The following RASSF2 variants were observed in gnomAD, a reference collection of about 807,000 sequenced individuals.
RASSF2 encodes the protein ras association domain-containing protein 2.
Under a neutral mutation model 46.3 loss-of-function variants are expected in RASSF2, and 34 were observed. The ratio of observed to expected loss-of-function variants is 0.73; its 90% CI spans 0.56 to 0.98. The LOEUF is 0.98. Ranked by LOEUF, RASSF2 falls within the 50% of genes least tolerant of loss-of-function variation. RASSF2 has a pLI of 0.00. For synonymous variants in RASSF2, 158 were observed against 162.5 expected, an observed-to-expected ratio of 0.97 and a Z score of 0.21; for missense variants, 364 against 431.2, an observed-to-expected ratio of 0.84 and a Z score of 1.38.
intron 6 of RASSF2, among the ~76,000 whole-genome samples, chr20:4,792,030 C>T (rs1285773339): frequency 2.0e-5 from 3 of 152,014 alleles, no homozygotes; most frequent in Non-Finnish European, 4.4e-5. Flanking sequence ...GCGGGCAGAT[C>T]ACTTGAAGCC....
chr20:4,817,100 CA>C (rs1169981154), intron 2 of RASSF2, among the ~76,000 whole-genome samples: 2 of 152,118 alleles, frequency 1.3e-5, no homozygotes, highest in Non-Finnish European at 2.9e-5. Flanking sequence ...AGTGAAACTA[CA>C]TCTCAAAAAT....
At chr20:4,799,556 C>A (rs774268750) in intron 3 of RASSF2, among the ~76,000 whole-genome samples, 1 of 152,144 alleles carries the variant, frequency 6.6e-6, no homozygotes, top group Non-Finnish European at 1.5e-5. Flanking sequence ...ACAAGTTAAA[C>A]CTAGATAAAG....
At chr20:4,814,454 T>C (rs1928111480) in intron 2 of RASSF2, among the ~76,000 whole-genome samples, 1 of 152,216 alleles carries the variant, frequency 6.6e-6, no homozygotes, top group Non-Finnish European at 1.5e-5. Flanking sequence ...TTTGGTGCTA[T>C]AGGCTGAGAC....
In RASSF2 at chr20:4,781,952, G is replaced by C. The variant is rs753815318; in HGVS notation, c.*2321C>G. 1.3e-5 allele frequency: 2 copies of C among 152,150 alleles called. No homozygotes were observed. Among genetic ancestry groups the C allele is most frequent in the Admixed American group, 1.3e-4 (2 of 15,280 alleles). 9.4% of individuals were successfully genotyped at this position (152,150 alleles called of 1,614,324 possible). A position where few individuals can be genotyped will look rare whatever the true frequency, so the allele number is the denominator to read the frequency against. ...GAACCCTTCCAAAATTTCTGATCAG[G>C]TTCTTAGGACGTGAGAAATGACCTC... On this transcript the variant is annotated 3_prime_UTR_variant, in exon 12 of 12. Transcript: ENST00000379400.
At chr20:4,803,045 G>A (rs903505828) in intron 2 of RASSF2, among the ~76,000 whole-genome samples, 2 of 151,656 alleles carry the variant, frequency 1.3e-5, no homozygotes, top group African/African-American at 4.9e-5. Flanking sequence ...AAGTAGCTGC[G>A]ACTAAAGGCA....
At chr20:4,789,757 C>CCAGGTG in intron 7 of RASSF2, 60 bp from the exon 8 acceptor site, 1 of 1,414,852 alleles carries the variant, frequency 7.1e-7, no homozygotes, top group South Asian at 1.2e-5. Flanking sequence ...GTGCTAAAAT[C>CCAGGTG]CAGGTGCGGT....
At chr20:4,810,592 T>C (rs7347133) in intron 2 of RASSF2, among the ~76,000 whole-genome samples, 58,271 of 152,070 alleles carry the variant, frequency 0.38, 11,388 homozygotes, top group Admixed American at 0.49. Flanking sequence ...CCTCTCGTCT[T>C]ATTTATGAAT....
chr20:4,795,551 C>CTGACTCAGCAGCTCCCCTCGTA lies in RASSF2; in HGVS notation c.287+242_287+263dup. 1 of 365,240 alleles carries CTGACTCAGCAGCTCCCCTCGTA rather than the reference C, an allele frequency of 2.7e-6. No individual in the cohort carries two copies. Among genetic ancestry groups the CTGACTCAGCAGCTCCCCTCGTA allele is most frequent in the Non-Finnish European group, 5.0e-6 (1 of 200,688 alleles). The allele number at this position is 365,240 out of a possible 1,614,324, so 22.6% of individuals were successfully genotyped here. A position where few individuals can be genotyped will look rare whatever the true frequency, so the allele number is the denominator to read the frequency against. On this transcript the variant is annotated intron_variant, in intron 5 of 11. Transcript: ENST00000379400. The surrounding 1 kb of genome is among the most constrained non-coding windows in gnomAD (Gnocchi z 4.0). ...CCTGAGTTCTCCCTAAGGGAGGACT[C>CTGACTCAGCAGCTCCCCTCGTA]TGACTCAGCAGCTCCCCTCGTATGA... is the stretch of plus-strand genomic sequence containing the variant.
In RASSF2 at chr20:4,786,127, A is replaced by G. The variant is rs112263296; in HGVS notation, c.911+104T>C. On this transcript the variant is annotated intron_variant, in intron 11 of 11. Coordinates refer to ENST00000379400, the MANE Select transcript of RASSF2 (RefSeq NM_014737.3). ...AGCCCTCCAAAGAAAGCCGAGACTC[A>G]GGCCCATGCAGCAGCTCAGCACAGT... 24 of 919,508 alleles carry G rather than the reference A, an allele frequency of 2.6e-5. No individual in the cohort carries two copies. The Admixed American group carries it at 4.3e-4, about 16-fold the overall frequency. 57.0% of individuals were successfully genotyped at this position (919,508 alleles called of 1,614,324 possible).
intron 2 of RASSF2, among the ~76,000 whole-genome samples, chr20:4,811,208 G>A (rs1159772511): frequency 1.6e-5 from 1 of 62,830 alleles, no homozygotes; most frequent in African/African-American, 5.0e-5. Flanking sequence ...TAAAAAATTA[G>A]CCAGGCACAG....
chr20:4,810,067 T>A (rs115993043), intron 2 of RASSF2, among the ~76,000 whole-genome samples: 1,959 of 152,174 alleles, frequency 0.013, 38 homozygotes, highest in African/African-American at 0.045. Context: ...CTGCTCCATA[T>A]CTGAGATTGA....
intron 2 of RASSF2, among the ~76,000 whole-genome samples, chr20:4,819,065 C>T (rs1032037499): frequency 7.9e-5 from 12 of 152,150 alleles, no homozygotes; most frequent in Admixed American, 5.2e-4. Context: ...CAGGTTCAAG[C>T]GATTCTCCTG....
intron 3 of RASSF2, among the ~76,000 whole-genome samples, chr20:4,799,746 C>T (rs1440548670): frequency 6.6e-6 from 1 of 152,216 alleles, no homozygotes; most frequent in Non-Finnish European, 1.5e-5. Flanking sequence ...TCAGATGTCA[C>T]AAAACATGTG....
chr20:4,791,249 A>C (rs1305525949), intron 6 of RASSF2, among the ~76,000 whole-genome samples: 2 of 152,158 alleles, frequency 1.3e-5, no homozygotes, highest in Non-Finnish European at 2.9e-5. Context: ...CCAGGAGCTA[A>C]AGAGAGAAGG....
chr20:4,794,230 A>G (rs1266608751), intron 5 of RASSF2, among the ~76,000 whole-genome samples: 1 of 152,052 alleles, frequency 6.6e-6, no homozygotes, highest in African/African-American at 2.4e-5. Flanking sequence ...TTTGAGACCA[A>G]CCTGTGCAAC....
intron 8 of RASSF2, among the ~76,000 whole-genome samples, chr20:4,788,958 GC>G (rs34112584): frequency 6.6e-6 from 1 of 152,088 alleles, no homozygotes; most frequent in African/African-American, 2.4e-5. Context: ...TAAGTAACCT[GC>G]CCAATTCATC....
At chr20:4,807,049 A>G (rs1927388922) in intron 2 of RASSF2, among the ~76,000 whole-genome samples, 1 of 152,240 alleles carries the variant, frequency 6.6e-6, no homozygotes, top group African/African-American at 2.4e-5. Context: ...ACAGAAAAAA[A>G]TAGCCAGAGC....
At chr20:4,800,664 C>G (rs971463917) in intron 3 of RASSF2, among the ~76,000 whole-genome samples, 5 of 152,122 alleles carry the variant, frequency 3.3e-5, no homozygotes, top group Admixed American at 1.3e-4. Flanking sequence ...TAGCGAACAG[C>G]CACCAGCCAA....
At chr20:4,793,153 C>T (rs545118427) in intron 5 of RASSF2, 1 of 160,742 alleles carries the variant, frequency 6.2e-6, no homozygotes, top group East Asian at 1.9e-4. Context: ...GGAAGGGACA[C>T]TGACAGTGTT....
Sources: gnomAD v4.1 joint callset for allele counts (sites outside exome capture counted in the v4.1 genomes callset) on GRCh38, gnomAD v4.1.1 for gene constraint, Gnocchi (gnomAD v3.1) non-coding constraint, MANE v1.5 for transcripts, NCBI Gene and HGNC (gene_info 2026-07-23, HGNC 2026-07-21) for gene names.